Variants in STAP2 observed in about 807,000 individuals in gnomAD.
STAP2 encodes the protein signal-transducing adaptor protein 2.
STAP2 carries 58 observed loss-of-function variants against 52.7 expected under a neutral mutation model. That is an observed-to-expected ratio of 1.10 (90% CI 0.89 to 1.37). The LOEUF is 1.37. Among genes scored for constraint, STAP2 ranks in the 40% most tolerant of loss-of-function variants. The pLI, the probability that STAP2 is intolerant of heterozygous loss-of-function variation, is 0.00. For synonymous variants in STAP2, 231 were observed against 210.5 expected, an observed-to-expected ratio of 1.10 and a Z score of -0.84; for missense variants, 522 against 519.4, an observed-to-expected ratio of 1.00 and a Z score of -0.05.
chr19:4,327,077 G>C, intron 8 of STAP2, 47 bp downstream of exon 8: 1 of 1,610,416 alleles, frequency 6.2e-7, no homozygotes, highest in Non-Finnish European at 8.5e-7. Context: ...GAGCGGGGGC[G>C]GGAGAGGTGA....
rs981156850 is a variant in STAP2 at position 4,327,058 on chromosome 19, G to C, written c.764-51C>G. ...GAAGCGCGGCGGCCAGGGGCGGCCCGGTCCGTCCGAGCGGGGGCGGGAGAG... is the reference window on the plus strand; with the variant it reads ...GAAGCGCGGCGGCCAGGGGCGGCCCCGTCCGTCCGAGCGGGGGCGGGAGAG... On this transcript the variant is annotated intron_variant, in intron 8 of 12. Transcript: ENST00000594605. The C allele has an allele frequency of 1.0e-5, 16 of 1,603,966 alleles. No individual in the cohort carries two copies. In the African/African-American group the frequency reaches 1.7e-4, roughly 17 times the overall value.
In STAP2 at chr19:4,327,140, G is replaced by C. The variant is rs747068262; in HGVS notation, c.747C>G (p.Asp249Glu). The C allele has an allele frequency of 5.0e-6, 8 of 1,614,086 alleles. No homozygotes were observed. Among genetic ancestry groups the C allele is most frequent in the Middle Eastern group, 1.6e-4 (1 of 6,084 alleles). The change falls in exon 8 of 13, where the codon GAC (aspartate) becomes GAG (glutamate). Residue 249 changes from aspartate to glutamate, a missense_variant. Coordinates refer to ENST00000594605, the MANE Select transcript of STAP2 (RefSeq NM_001013841.2). Reference sequence around the variant, plus strand: ...GGCACCCACCTAGCACCTTCTCGTAGTCCTCGTCTAACAGGAATGGCACCA... The same window carrying C: ...GGCACCCACCTAGCACCTTCTCGTACTCCTCGTCTAACAGGAATGGCACCA... ...KALVPFLLDE[D>E]YEKVLGYVEA...
Position 4,338,695 on chromosome 19 carries a change from T to A in STAP2, c.59A>T (p.His20Leu). 1 of 1,613,626 alleles carries A rather than the reference T, an allele frequency of 6.2e-7. No homozygotes were observed. Among genetic ancestry groups the A allele is most frequent in the South Asian group, 1.1e-5 (1 of 91,008 alleles). Residue 20 changes from histidine (H) to leucine (L), a missense_variant, in exon 1 of 13, where the codon CAC becomes CTC. Coordinates refer to ENST00000594605, the MANE Select transcript of STAP2 (RefSeq NM_001013841.2). ...CTTCTCTAGAAAGCTCTCATAGTAG[T>A]GTGAAGGCAGGACACCCTTAGGCTT... is the stretch of plus-strand genomic sequence containing the variant. ...VPKPKGVLPS[H>L]YYESFLEKKG...
At chr19:4,335,587 A>C (rs1568389024) in intron 1 of STAP2, among the ~76,000 whole-genome samples, 1 of 152,180 alleles carries the variant, frequency 6.6e-6, no homozygotes, top group Non-Finnish European at 1.5e-5. Flanking sequence ...ACAGATACAC[A>C]CATGCATTTA....
At chr19:4,328,895 C>G (rs1971842730) in intron 5 of STAP2, 86 bp from the exon 6 acceptor site, 3 of 1,503,346 alleles carry the variant, frequency 2.0e-6, no homozygotes, top group African/African-American at 2.8e-5. Context: ...TGAGACCCAG[C>G]CCCATCCCCA....
At chr19:4,329,444 C>A (rs1971852035) in intron 5 of STAP2, among the ~76,000 whole-genome samples, 1 of 151,968 alleles carries the variant, frequency 6.6e-6, no homozygotes, top group African/African-American at 2.4e-5. Flanking sequence ...GCTCCAACCC[C>A]TAGGGAGACC....
Position 4,328,542 on chromosome 19 carries a change from G to C in STAP2, c.590+133C>G, listed in dbSNP as rs73919839. 11,350 of 1,278,880 alleles carry C rather than the reference G, an allele frequency of 8.9e-3. 229 individuals are homozygous for C. Among genetic ancestry groups the C allele is most frequent in the African/African-American group, 0.077 (5,074 of 66,144 alleles). 79.2% of individuals were successfully genotyped at this position (1,278,880 alleles called of 1,614,324 possible). ...GCTCTGACTCCGTCCCCAGACGCCC[G>C]TCTCGGCTCTGGCTCCGTCCCCTGG... On this transcript the variant is annotated intron_variant, in intron 6 of 12. Coordinates refer to ENST00000594605, the MANE Select transcript of STAP2 (RefSeq NM_001013841.2).
In STAP2 at chr19:4,334,118, C is replaced by T. The variant is rs544896124; in HGVS notation, c.103-74G>A. 3.0e-5 allele frequency: 40 copies of T among 1,337,810 alleles called. No individual in the cohort carries two copies. The Admixed American group carries it at 3.0e-4, about 10-fold the overall frequency. 82.9% of individuals were successfully genotyped at this position (1,337,810 alleles called of 1,614,324 possible). On this transcript the variant is annotated intron_variant, in intron 1 of 12. Transcript: ENST00000594605. ...GCCTTTCATGTACTCAATCCTGTCT[C>T]GGGGCCTTTGCACTGGTTGTGCTCT...
intron 3 of STAP2, among the ~76,000 whole-genome samples, chr19:4,332,372 T>C (rs1971908067): frequency 7.0e-6 from 1 of 143,542 alleles, no homozygotes; most frequent in South Asian, 2.2e-4. Flanking sequence ...CTCGCCCAGC[T>C]TTTTTTTTTT....
chr19:4,334,306 C>T (rs1971939192), intron 1 of STAP2, among the ~76,000 whole-genome samples: 1 of 152,110 alleles, frequency 6.6e-6, no homozygotes, highest in Admixed American at 6.6e-5. Flanking sequence ...GGATTCAGAG[C>T]AACCCCCGCC....
intron 9 of STAP2, among the ~76,000 whole-genome samples, chr19:4,325,844 T>A (rs1199830014): frequency 6.6e-6 from 1 of 151,808 alleles, no homozygotes; most frequent in Non-Finnish European, 1.5e-5. Context: ...GGTGGCAGGC[T>A]CCTGTAATCG....
chr19:4,325,174 G>A, intron 11 of STAP2, 42 bp downstream of exon 11: 1 of 1,495,120 alleles, frequency 6.7e-7, no homozygotes, highest in African/African-American at 1.4e-5. Context: ...GCTGAGGCTG[G>A]CCTGCCATCA....
At chr19:4,330,578 CT>C (rs1346248573) in intron 4 of STAP2, among the ~76,000 whole-genome samples, 1 of 151,224 alleles carries the variant, frequency 6.6e-6, no homozygotes, top group East Asian at 1.9e-4. Flanking sequence ...AATCTAGGGT[CT>C]CAAACTAAAG....
intron 5 of STAP2, among the ~76,000 whole-genome samples, chr19:4,329,754 C>T (rs1407666047): frequency 1.3e-5 from 2 of 152,120 alleles, no homozygotes; most frequent in African/African-American, 2.4e-5. Flanking sequence ...GTCCTCTAGG[C>T]CCCTAGACCC....
chr19:4,332,414 C>G (rs949573605), intron 3 of STAP2, among the ~76,000 whole-genome samples: 2 of 151,498 alleles, frequency 1.3e-5, no homozygotes, highest in Non-Finnish European at 2.9e-5. Context: ...GCTTTGTTGC[C>G]AGGCTGGTCT....
At chr19:4,334,994 C>T (rs1971957985) in intron 1 of STAP2, among the ~76,000 whole-genome samples, 1 of 150,538 alleles carries the variant, frequency 6.6e-6, no homozygotes. Flanking sequence ...ACTCATCCAT[C>T]CACCCACTCA....
chr19:4,330,790 C>G (rs1971877465), intron 4 of STAP2, among the ~76,000 whole-genome samples: 1 of 146,474 alleles, frequency 6.8e-6, no homozygotes, highest in Non-Finnish European at 1.5e-5. Context: ...TCTTGGCTCA[C>G]TGCAACCTCC....
intron 6 of STAP2, 32 bp downstream of exon 6, chr19:4,328,643 C>A (rs1335469975): frequency 1.3e-6 from 2 of 1,567,966 alleles, no homozygotes; most frequent in Admixed American, 3.7e-5. Flanking sequence ...CACCCTCCTC[C>A]CACCCAGGGC....
chr19:4,330,061 G>C lies in STAP2; in HGVS notation c.355C>G (p.Leu119Val), dbSNP rs773051214. 2.5e-6 allele frequency: 4 copies of C among 1,613,132 alleles called. No homozygotes were observed. The highest frequency in any genetic ancestry group is 3.4e-6 in the Non-Finnish European group (4 of 1,179,690). The change falls in exon 5 of 13, where the codon CTC becomes GTC. Residue 119 changes from leucine to valine, a missense_variant and splice_region_variant. By Grantham distance (32) the Leu-to-Val change is conservative. Transcript: ENST00000594605. The stretch of plus-strand genomic sequence containing the variant: ...AGGGTCAAGTCGGTCGGGACACGGA[G>C]CTGAGGGGCGATCGAGGGACAGTGA... ...WKGFILTVVE[L>V]RVPTDLTLLP...
Sources: allele counts gnomAD v4.1 joint callset (sites outside exome capture counted in the v4.1 genomes callset), GRCh38; gene constraint gnomAD v4.1.1; transcripts MANE v1.5; gene names NCBI Gene and HGNC (gene_info 2026-07-23, HGNC 2026-07-21).